PRKAA2: variants seen among roughly 807,000 people sequenced by gnomAD.
PRKAA2 encodes the protein 5'-AMP-activated protein kinase catalytic subunit alpha-2.
Under a neutral mutation model 56.3 loss-of-function variants are expected in PRKAA2, and 40 were observed. The observed-to-expected ratio is 0.71, with a 90% CI of 0.55 to 0.92. PRKAA2 has a LOEUF of 0.92. Ranked by LOEUF, PRKAA2 falls within the 40% of genes least tolerant of loss-of-function variation. The pLI, the probability that PRKAA2 is intolerant of heterozygous loss-of-function variation, is 0.00. For missense variants in PRKAA2, 542 were observed against 686.9 expected (o/e 0.79, Z 2.36); for synonymous variants, 214 against 234.2 (o/e 0.91, Z 0.79).
chr1:56,663,450 A>G (rs921806783), intron 1 of PRKAA2, among the ~76,000 whole-genome samples: 2 of 152,152 alleles, frequency 1.3e-5, no homozygotes, highest in African/African-American at 4.8e-5. Flanking sequence ...CTTGGTAGCC[A>G]TTGTCAGGAC....
chr1:56,681,021 C>T (rs867666922), intron 2 of PRKAA2, among the ~76,000 whole-genome samples: 18 of 152,192 alleles, frequency 1.2e-4, no homozygotes, highest in East Asian at 1.9e-4. Context: ...CAGCACCTGT[C>T]GTTTCCTGAC....
intron 2 of PRKAA2, among the ~76,000 whole-genome samples, chr1:56,680,670 C>G (rs529139573): frequency 6.6e-6 from 1 of 152,226 alleles, no homozygotes; most frequent in Non-Finnish European, 1.5e-5. Context: ...CATCCATGTC[C>G]CTACAAAGGA....
chr1:56,653,676 T>A (rs1163568651), intron 1 of PRKAA2, among the ~76,000 whole-genome samples: 1 of 152,192 alleles, frequency 6.6e-6, no homozygotes, highest in East Asian at 1.9e-4. Flanking sequence ...CACAATTAGC[T>A]GAACTATGAG....
intron 2 of PRKAA2, among the ~76,000 whole-genome samples, chr1:56,688,001 A>G (rs971754846): frequency 2.6e-5 from 4 of 152,228 alleles, no homozygotes; most frequent in Non-Finnish European, 4.4e-5. Context: ...CTGCTGTACT[A>G]GGAAAATAAT....
At chr1:56,664,988 T>C (rs571482436) in intron 1 of PRKAA2, among the ~76,000 whole-genome samples, 1 of 151,982 alleles carries the variant, frequency 6.6e-6, no homozygotes, top group Non-Finnish European at 1.5e-5. Flanking sequence ...ATTGATATCA[T>C]AACTACCTTT....
chr1:56,650,002 G>A (rs1461013666), intron 1 of PRKAA2, among the ~76,000 whole-genome samples: 1 of 152,106 alleles, frequency 6.6e-6, no homozygotes, highest in Non-Finnish European at 1.5e-5. Flanking sequence ...AGCTGAGGCA[G>A]GAGAATCACT....
Position 56,710,745 on chromosome 1 carries a change from A to T in PRKAA2, c.*3032A>T, listed in dbSNP as rs1569808569. On this transcript the variant is annotated 3_prime_UTR_variant, in exon 9 of 9. Coordinates refer to ENST00000371244, the MANE Select transcript of PRKAA2 (RefSeq NM_006252.4). The stretch of plus-strand genomic sequence containing the variant: ...TGTATTATTATTTGAGTGCAACATT[A>T]TTCTTATGCATGGGTGACTGAAAAA... 1.3e-5 allele frequency: 2 copies of T among 152,206 alleles called. No individual in the cohort carries two copies. Among genetic ancestry groups the T allele is most frequent in the East Asian group, 1.9e-4 (1 of 5,186 alleles). The allele number at this position is 152,206 out of a possible 1,614,324, so 9.4% of individuals were successfully genotyped here.
At chr1:56,645,904 C>T (rs1646637062) in intron 1 of PRKAA2, among the ~76,000 whole-genome samples, 2 of 152,160 alleles carry the variant, frequency 1.3e-5, no homozygotes, top group Admixed American at 6.5e-5. Context: ...ACTGAGGCGC[C>T]GTTTCGTGCC....
intron 5 of PRKAA2, among the ~76,000 whole-genome samples, chr1:56,694,590 C>G (rs571142221): frequency 6.6e-6 from 1 of 152,164 alleles, no homozygotes; most frequent in East Asian, 1.9e-4. Flanking sequence ...GATTTGGTAT[C>G]TGGTGAGGGT....
intron 1 of PRKAA2, among the ~76,000 whole-genome samples, chr1:56,651,999 G>A (rs1195675760): frequency 1.4e-5 from 2 of 145,180 alleles, no homozygotes; most frequent in Non-Finnish European, 3.0e-5. Flanking sequence ...CTGCCACCAC[G>A]CCTGGCTAAT....
intron 1 of PRKAA2, among the ~76,000 whole-genome samples, chr1:56,648,270 A>G (rs964552034): frequency 3.3e-5 from 5 of 152,164 alleles, no homozygotes; most frequent in African/African-American, 1.2e-4. Context: ...TTCTGCCTGT[A>G]TAAATTTGCT....
intron 1 of PRKAA2, among the ~76,000 whole-genome samples, chr1:56,651,256 G>A (rs1405832609): frequency 2.6e-5 from 4 of 152,192 alleles, no homozygotes; most frequent in Admixed American, 2.6e-4. Context: ...TAGATGTAAT[G>A]TAGAACAGGG....
Position 56,714,087 on chromosome 1 carries a change from A to G in PRKAA2, c.*6374A>G, listed in dbSNP as rs921951645. Reference sequence around the variant, plus strand: ...CTAAATGTATTTTCCTATTTCTTTCATGTTGATTGACTTTATAAGTCACCT... The same window carrying G: ...CTAAATGTATTTTCCTATTTCTTTCGTGTTGATTGACTTTATAAGTCACCT... On this transcript the variant is annotated 3_prime_UTR_variant, in exon 9 of 9. Transcript: ENST00000371244. The G allele has an allele frequency of 6.6e-6, 1 of 152,018 alleles. No homozygotes were observed. The highest frequency in any genetic ancestry group is 1.5e-5 in the Non-Finnish European group (1 of 67,974). The allele number at this position is 152,018 out of a possible 1,614,324, so 9.4% of individuals were successfully genotyped here. A position where few individuals can be genotyped will look rare whatever the true frequency, so the allele number is the denominator to read the frequency against.
intron 5 of PRKAA2, among the ~76,000 whole-genome samples, chr1:56,695,016 A>C (rs762851195): frequency 6.6e-6 from 1 of 151,880 alleles, no homozygotes; most frequent in African/African-American, 2.4e-5. Context: ...TACTATAAGC[A>C]TAGGTTATCT....
chr1:56,700,231 T>C (rs141195018), intron 6 of PRKAA2, among the ~76,000 whole-genome samples: 91 of 152,326 alleles, frequency 6.0e-4, no homozygotes, highest in African/African-American at 2.2e-3. Context: ...TTGGTTTGCT[T>C]AATGATCAGC....
chr1:56,660,823 C>G lies in PRKAA2; in HGVS notation c.95-13558C>G, dbSNP rs556331372. 5.5e-4 allele frequency among the ~76,000 whole-genome samples: 83 copies of G among 152,060 alleles called. No homozygotes were observed. The South Asian group carries it at 7.5e-3, about 14-fold the overall frequency. On this transcript the variant is annotated intron_variant, in intron 1 of 8. Coordinates refer to ENST00000371244, the MANE Select transcript of PRKAA2 (RefSeq NM_006252.4). Reference sequence around the variant, plus strand: ...GGGAATTAAATATGTACATAAAGTACTATTTAATAAATATGGTACTTATTT... The same window carrying G: ...GGGAATTAAATATGTACATAAAGTAGTATTTAATAAATATGGTACTTATTT...
Position 56,707,458 on chromosome 1 carries a change from T to C in PRKAA2, c.1421-17T>C, listed in dbSNP as rs1174061370. The C allele has an allele frequency of 2.5e-6, 4 of 1,607,402 alleles. No homozygotes were observed. The highest frequency in any genetic ancestry group is 3.4e-6 in the Non-Finnish European group (4 of 1,174,302). ...ATATACTTTCCATATAAATTGCTCT[T>C]CTTTGGTCCATTTCAGATGAAGTAG... On this transcript the variant is annotated splice_polypyrimidine_tract_variant and intron_variant, in intron 8 of 8. Coordinates refer to ENST00000371244, the MANE Select transcript of PRKAA2 (RefSeq NM_006252.4).
intron 1 of PRKAA2, among the ~76,000 whole-genome samples, chr1:56,654,189 C>A (rs1643924411): frequency 6.6e-6 from 1 of 152,040 alleles, no homozygotes; most frequent in Admixed American, 6.5e-5. Flanking sequence ...AGGTAATTAC[C>A]TCAGTTCCAT....
At chr1:56,678,980 C>T (rs1026166851) in intron 2 of PRKAA2, among the ~76,000 whole-genome samples, 1 of 152,190 alleles carries the variant, frequency 6.6e-6, no homozygotes, top group African/African-American at 2.4e-5. Context: ...GGGCGTGAGC[C>T]ACCATGCCCA....
Sources: gnomAD v4.1 joint callset for allele counts (sites outside exome capture counted in the v4.1 genomes callset) on GRCh38, gnomAD v4.1.1 for gene constraint, MANE v1.5 for transcripts, NCBI Gene and HGNC (gene_info 2026-07-23, HGNC 2026-07-21) for gene names.